The following ZNF600 variants were observed in gnomAD, a reference collection of about 807,000 sequenced individuals.
ZNF600 encodes the protein zinc finger protein 600.
A neutral mutation model predicts 7.3 loss-of-function variants in ZNF600; 4 were observed. That is an observed-to-expected ratio of 0.55 (90% CI 0.27 to 1.25). The LOEUF is 1.25. ZNF600 is among the 50% of genes most tolerant of loss of function. The probability of loss-of-function intolerance (pLI) is 0.12; values close to 1 mark genes in which losing one functional copy is unlikely to be tolerated. For missense variants in ZNF600, 911 were observed against 922.1 expected (o/e 0.99, Z 0.16); for synonymous variants, 290 against 308.9 (o/e 0.94, Z 0.64).
the ZNF600 span, among the ~76,000 whole-genome samples, chr19:52,811,762 G>C: frequency 7.1e-6 from 1 of 141,272 alleles, no homozygotes; most frequent in South Asian, 2.2e-4. Context: ...GAGGGAGGTC[G>C]GGGGGGTCAG....
intron 1 of ZNF600, among the ~76,000 whole-genome samples, chr19:52,786,059 T>A (rs1036651628): frequency 6.6e-6 from 1 of 152,110 alleles, no homozygotes. Context: ...CCTCTCTCTA[T>A]CTCCTGATCC....
At chr19:52,775,506 C>T (rs1314928604) in intron 2 of ZNF600, among the ~76,000 whole-genome samples, 2 of 151,980 alleles carry the variant, frequency 1.3e-5, no homozygotes, top group African/African-American at 2.4e-5. Context: ...GCCAAGATCG[C>T]ACCACTGCAC....
the ZNF600 span, among the ~76,000 whole-genome samples, chr19:52,821,934 A>AT: frequency 8.5e-5 from 10 of 117,182 alleles, no homozygotes; most frequent in African/African-American, 2.6e-4. Context: ...AAAAATAATA[A>AT]AAAAAAAATT....
At chr19:52,765,537 T>A (rs1258571537) in exon 4 of ZNF600, 1 of 1,612,150 alleles carries the variant, frequency 6.2e-7, no homozygotes, top group Non-Finnish European at 8.5e-7. Flanking sequence ...GATTCTCCAA[T>A]GATTTGCAAT....
At chr19:52,766,311 T>C (rs1210634700) in exon 4 of ZNF600, 2 of 1,614,240 alleles carry the variant, frequency 1.2e-6, no homozygotes, top group Non-Finnish European at 8.5e-7. Context: ...CAGATAGGAA[T>C]GACACGCAAA....
In ZNF600 at chr19:52,778,956, A is replaced by C. The variant is rs1005651917; in HGVS notation, c.-19-49T>G. Reference sequence around the variant, plus strand: ...TTCTTGTTAGAAATGACTCACTCCCATCCTGTGACAAAACCACATGAACAG... The same window carrying C: ...TTCTTGTTAGAAATGACTCACTCCCCTCCTGTGACAAAACCACATGAACAG... On this transcript the variant is annotated intron_variant, in intron 1 of 3. Coordinates refer to ENST00000648973, the Ensembl canonical transcript of ZNF600. The C allele has an allele frequency of 9.2e-6, 14 of 1,524,624 alleles. No individual in the cohort carries two copies. The South Asian group carries it at 1.5e-4, about 16-fold the overall frequency. 94.4% of individuals were successfully genotyped at this position (1,524,624 alleles called of 1,614,324 possible).
chr19:52,809,033 T>TG, the ZNF600 span, among the ~76,000 whole-genome samples: 1 of 152,178 alleles, frequency 6.6e-6, no homozygotes, highest in Non-Finnish European at 1.5e-5. Context: ...TGCATGTGTG[T>TG]GGGGATATAT....
intron 1 of ZNF600, 101 bp from the exon 4 acceptor site, chr19:52,779,008 T>C: frequency 9.4e-7 from 1 of 1,063,018 alleles, no homozygotes; most frequent in Non-Finnish European, 1.3e-6. Context: ...CAGAAAGAAG[T>C]CCCCCACCGC....
the ZNF600 span, among the ~76,000 whole-genome samples, chr19:52,811,808 A>C: frequency 4.9e-5 from 7 of 142,360 alleles, no homozygotes; most frequent in Non-Finnish European, 9.1e-5. Flanking sequence ...CCGGGAGGTG[A>C]GGGGCTCCTC....
the ZNF600 span, among the ~76,000 whole-genome samples, chr19:52,791,894 C>T: frequency 6.6e-6 from 1 of 152,232 alleles, no homozygotes; most frequent in Non-Finnish European, 1.5e-5. Context: ...AGCCCCTCAC[C>T]TCTCTGTGGA....
upstream of ZNF600, chr19:52,786,868 A>C (rs1482794693): frequency 4.7e-6 from 1 of 214,062 alleles, no homozygotes; most frequent in Non-Finnish European, 1.1e-5. Context: ...CTTGCCCTTT[A>C]GAACCGGCAG....
At chr19:52,785,415 A>C (rs2062755774) in intron 1 of ZNF600, among the ~76,000 whole-genome samples, 1 of 151,474 alleles carries the variant, frequency 6.6e-6, no homozygotes, top group Admixed American at 6.6e-5. Flanking sequence ...GCTCCCAGCT[A>C]ATTTTATATT....
At chr19:52,798,926 TTG>T in the ZNF600 span, 3 of 1,434,218 alleles carry the variant, frequency 2.1e-6, no homozygotes, top group African/African-American at 1.4e-5. Flanking sequence ...GCCACACTCA[TTG>T]CACTTGTAAG....
exon 4 of ZNF600, chr19:52,766,394 T>A: frequency 3.1e-6 from 5 of 1,614,074 alleles, no homozygotes; most frequent in Non-Finnish European, 4.2e-6. Context: ...CAAGGGTTGA[T>A]CCACAACTGA....
the ZNF600 span, chr19:52,805,643 A>AAAATAAATAAATAAACAAATAAAT: frequency 7.1e-6 from 1 of 140,302 alleles, no homozygotes; most frequent in Non-Finnish European, 1.5e-5. Context: ...AATAATAATA[A>AAAATAAATAAATAAACAAATAAAT]AAATAAATAA....
chr19:52,765,983 G>A (rs151077073), exon 4 of ZNF600: 96 of 1,613,856 alleles, frequency 5.9e-5, no homozygotes, highest in Non-Finnish European at 7.3e-5. Flanking sequence ...AATTACGCAC[G>A]AAAGCCTTGT....
the ZNF600 span, among the ~76,000 whole-genome samples, chr19:52,814,665 T>C: frequency 6.9e-6 from 1 of 145,434 alleles, no homozygotes; most frequent in South Asian, 2.3e-4. Flanking sequence ...GGTGGGCAGA[T>C]CACGAGGTTA....
the ZNF600 span, among the ~76,000 whole-genome samples, chr19:52,829,223 A>ATTT: frequency 6.8e-6 from 1 of 147,340 alleles, no homozygotes; most frequent in South Asian, 2.2e-4. Context: ...ATTTTATTTT[A>ATTT]TTTTATTTTA....
chr19:52,767,809 T>C, intron 3 of ZNF600, 37 bp from the exon 6 acceptor site: 1 of 1,523,566 alleles, frequency 6.6e-7, no homozygotes, highest in South Asian at 1.4e-5. Flanking sequence ...TCCAATTAAG[T>C]ACAGATGGTA....
Sources: allele counts gnomAD v4.1 joint callset (sites outside exome capture counted in the v4.1 genomes callset), GRCh38; gene constraint gnomAD v4.1.1; transcripts MANE v1.5; gene names NCBI Gene and HGNC (gene_info 2026-07-23, HGNC 2026-07-21).